Variants in MALRD1 observed in about 807,000 individuals in gnomAD.
MALRD1 encodes MAM and LDL-receptor class A domain-containing protein 1.
MALRD1 carries 247 observed loss-of-function variants against 242.1 expected under a neutral mutation model. The ratio of observed to expected loss-of-function variants is 1.02; its 90% CI spans 0.92 to 1.13. The LOEUF is 1.13. Ranked by LOEUF, MALRD1 falls within the 50% of genes most tolerant of loss-of-function variation. The probability of loss-of-function intolerance (pLI) is 0.00; values close to 1 mark genes in which losing one functional copy is unlikely to be tolerated. For missense variants in MALRD1, 2,989 were observed against 2,533.1 expected (o/e 1.18, Z -3.86); for synonymous variants, 995 against 866.6 (o/e 1.15, Z -2.60).
intron 38 of MALRD1, among the ~76,000 whole-genome samples, chr10:19,717,647 A>G (rs909365942): frequency 3.3e-5 from 5 of 152,230 alleles, no homozygotes; most frequent in Admixed American, 3.3e-4. Context: ...GTGTCTTAGA[A>G]CCTCCAGAAG....
chr10:19,538,752 T>A (rs1027046021), intron 32 of MALRD1, among the ~76,000 whole-genome samples: 4 of 152,064 alleles, frequency 2.6e-5, no homozygotes, highest in African/African-American at 9.7e-5. Flanking sequence ...ATACTTTTCG[T>A]AATATTTTTG....
intron 28 of MALRD1, among the ~76,000 whole-genome samples, chr10:19,403,237 A>G (rs542757866): frequency 6.6e-6 from 1 of 152,288 alleles, no homozygotes; most frequent in South Asian, 2.1e-4. Context: ...GCCTCCATGA[A>G]TAAAAAATAG....
chr10:19,146,839 C>A (rs1833743347), intron 11 of MALRD1, among the ~76,000 whole-genome samples: 1 of 152,138 alleles, frequency 6.6e-6, no homozygotes, highest in Admixed American at 6.6e-5. Context: ...TTTTAACCAT[C>A]ATTCCAGTGT....
Position 19,684,952 on chromosome 10 carries a change from A to G in MALRD1, c.6138-7330A>G, listed in dbSNP as rs140172755. 2.2e-3 allele frequency among the ~76,000 whole-genome samples: 328 copies of G among 152,282 alleles called. 10 individuals carry two copies. In the East Asian group the frequency reaches 0.052, roughly 24 times the overall value. ...GTATACTATGATACAGAATTAGTAA[A>G]TCTGCAGGTTAGTGTAGGATCCTAT... On this transcript the variant is annotated intron_variant, in intron 36 of 39. Coordinates refer to ENST00000454679, the MANE Select transcript of MALRD1 (RefSeq NM_001142308.3).
intron 32 of MALRD1, among the ~76,000 whole-genome samples, chr10:19,545,102 T>A (rs1018953371): frequency 1.3e-5 from 2 of 152,154 alleles, no homozygotes; most frequent in Non-Finnish European, 2.9e-5. Context: ...CCTTGACTGG[T>A]CACTGGTCAC....
At chr10:19,646,462 G>A (rs1477096862) in intron 36 of MALRD1, among the ~76,000 whole-genome samples, 1 of 152,120 alleles carries the variant, frequency 6.6e-6, no homozygotes, top group Non-Finnish European at 1.5e-5. Context: ...AAAATTAGCT[G>A]GGTGTAGTGG....
chr10:19,510,254 C>A (rs1351180168), intron 31 of MALRD1, among the ~76,000 whole-genome samples: 4 of 152,142 alleles, frequency 2.6e-5, no homozygotes, highest in Admixed American at 1.3e-4. Context: ...ATTCCATTGC[C>A]AAGGGAGGAG....
intron 35 of MALRD1, among the ~76,000 whole-genome samples, chr10:19,608,722 GA>G (rs1329113363): frequency 3.3e-5 from 5 of 152,054 alleles, no homozygotes; most frequent in Non-Finnish European, 4.4e-5. Flanking sequence ...TTGTAAGAAT[GA>G]TAATTGTAAT....
intron 5 of MALRD1, among the ~76,000 whole-genome samples, chr10:19,109,538 A>G (rs1410785303): frequency 6.6e-6 from 1 of 152,236 alleles, no homozygotes; most frequent in Non-Finnish European, 1.5e-5. Flanking sequence ...ATAGGCTTCA[A>G]ATAGCTGGGA....
At chr10:19,547,818 A>ATATATATATATATAT (rs1564431908) in intron 32 of MALRD1, among the ~76,000 whole-genome samples, 2 of 16,914 alleles carry the variant, frequency 1.2e-4, no homozygotes, top group East Asian at 3.5e-3. Flanking sequence ...ATATATATAT[A>ATATATATATATATAT]TTTTTTTTTT....
intron 36 of MALRD1, among the ~76,000 whole-genome samples, chr10:19,649,720 G>A (rs1840787123): frequency 6.6e-6 from 1 of 152,100 alleles, no homozygotes; most frequent in African/African-American, 2.4e-5. Context: ...CTGTGCAGAA[G>A]CTCTTTAGTT....
chr10:19,359,027 C>T (rs552777797), intron 26 of MALRD1, among the ~76,000 whole-genome samples: 1 of 152,070 alleles, frequency 6.6e-6, no homozygotes, highest in East Asian at 1.9e-4. Flanking sequence ...AATAAAGATC[C>T]AGAGATAGAA....
chr10:19,149,046 A>G (rs1833834309), intron 11 of MALRD1, among the ~76,000 whole-genome samples: 1 of 151,848 alleles, frequency 6.6e-6, no homozygotes, highest in African/African-American at 2.4e-5. Context: ...TTAAACATAT[A>G]GATTGCAGCT....
intron 29 of MALRD1, among the ~76,000 whole-genome samples, chr10:19,480,254 C>A (rs7920815): frequency 4.6e-5 from 7 of 152,114 alleles, no homozygotes; most frequent in African/African-American, 1.7e-4. Flanking sequence ...TGATATGTTG[C>A]GGAGAAATCT....
intron 29 of MALRD1, among the ~76,000 whole-genome samples, chr10:19,457,100 A>G (rs1338943010): frequency 6.6e-6 from 1 of 152,198 alleles, no homozygotes; most frequent in Admixed American, 6.5e-5. Flanking sequence ...CATCATATTT[A>G]ATTGAATCCT....
At chr10:19,153,341 C>G (rs777074597) in intron 11 of MALRD1, among the ~76,000 whole-genome samples, 4 of 152,108 alleles carry the variant, frequency 2.6e-5, no homozygotes, top group Non-Finnish European at 5.9e-5. Flanking sequence ...TTCTGGCAAC[C>G]TAATATGAAT....
intron 18 of MALRD1, among the ~76,000 whole-genome samples, chr10:19,234,851 G>A (rs1395409195): frequency 2.6e-5 from 4 of 152,144 alleles, no homozygotes; most frequent in Non-Finnish European, 2.9e-5. Flanking sequence ...ATCTGACTCA[G>A]CATGGAGGTG....
intron 1 of MALRD1, among the ~76,000 whole-genome samples, chr10:19,061,868 T>A (rs1238273442): frequency 2.0e-5 from 3 of 152,138 alleles, no homozygotes; most frequent in Non-Finnish European, 1.5e-5. Context: ...ATATTAGATG[T>A]GGTAAAGATT....
chr10:19,154,866 T>C (rs1386851681), intron 11 of MALRD1, among the ~76,000 whole-genome samples: 2 of 152,240 alleles, frequency 1.3e-5, no homozygotes, highest in African/African-American at 2.4e-5. Context: ...CAAGAGCTTG[T>C]TTTAATTGAT....
Sources: allele counts gnomAD v4.1 joint callset (sites outside exome capture counted in the v4.1 genomes callset), GRCh38; gene constraint gnomAD v4.1.1; transcripts MANE v1.5; gene names NCBI Gene and HGNC (gene_info 2026-07-23, HGNC 2026-07-21).